Variants in MRTFA observed in about 807,000 individuals in gnomAD.
The protein encoded by MRTFA is myocardin-related transcription factor A.
Under a neutral mutation model 83.5 loss-of-function variants are expected in MRTFA, and 20 were observed. The observed-to-expected ratio is 0.24, with a 90% CI of 0.17 to 0.35. The LOEUF is 0.35. MRTFA is among the 10% of genes least tolerant of loss of function. The probability of loss-of-function intolerance (pLI) is 1.00; values close to 1 mark genes in which losing one functional copy is unlikely to be tolerated. For synonymous variants in MRTFA, 659 were observed against 541.2 expected (o/e 1.22, Z -3.02); for missense variants, 1,200 against 1,224.7 (o/e 0.98, Z 0.30).
chr22:40,492,027 G>A (rs766390425), intron 3 of MRTFA, among the ~76,000 whole-genome samples: 28 of 152,096 alleles, frequency 1.8e-4, no homozygotes, highest in Non-Finnish European at 2.9e-4. Context: ...ACACTGCTGA[G>A]TAATAGCTGT....
intron 4 of MRTFA, among the ~76,000 whole-genome samples, chr22:40,455,249 C>A (rs181503004): frequency 6.6e-6 from 1 of 152,128 alleles, no homozygotes; most frequent in Non-Finnish European, 1.5e-5. Context: ...ACAGCACATG[C>A]GGCTAATGGT....
At chr22:40,568,433 C>T (rs1382598792) in intron 2 of MRTFA, among the ~76,000 whole-genome samples, 4 of 152,150 alleles carry the variant, frequency 2.6e-5, no homozygotes, top group Non-Finnish European at 4.4e-5. Context: ...GGAAATACAA[C>T]GAATCTTGAC....
intron 3 of MRTFA, among the ~76,000 whole-genome samples, chr22:40,463,991 T>G (rs967128241): frequency 6.6e-6 from 1 of 152,004 alleles, no homozygotes; most frequent in Non-Finnish European, 1.5e-5. Context: ...TAATAGGGAT[T>G]TTTTTTAAGT....
chr22:40,467,121 G>A (rs2053823716), intron 3 of MRTFA, among the ~76,000 whole-genome samples: 1 of 152,058 alleles, frequency 6.6e-6, no homozygotes, highest in Non-Finnish European at 1.5e-5. Flanking sequence ...AGTTAACTTT[G>A]AACTCTGTGC....
At chr22:40,550,778 C>T (rs114710891) in intron 3 of MRTFA, among the ~76,000 whole-genome samples, 1,909 of 151,682 alleles carry the variant, frequency 0.013, 36 homozygotes, top group African/African-American at 0.044. Flanking sequence ...TGAAGATTTA[C>T]GCAAAGTACA....
At chr22:40,426,371 T>C (rs576071092) in intron 7 of MRTFA, among the ~76,000 whole-genome samples, 40 of 152,124 alleles carry the variant, frequency 2.6e-4, no homozygotes, top group Non-Finnish European at 1.0e-4. Context: ...ACCTGCTCCA[T>C]TGCATCCAGC....
At chr22:40,444,751 A>G (rs1288962467) in intron 4 of MRTFA, among the ~76,000 whole-genome samples, 1 of 151,556 alleles carries the variant, frequency 6.6e-6, no homozygotes, top group South Asian at 2.1e-4. Flanking sequence ...GTTGCTTCTG[A>G]CTTGATGTTT....
At chr22:40,624,375 G>A (rs973091745) in intron 1 of MRTFA, among the ~76,000 whole-genome samples, 9 of 145,876 alleles carry the variant, frequency 6.2e-5, no homozygotes, top group South Asian at 2.1e-4. Flanking sequence ...GCAGGGAGCC[G>A]AGATCGCGCC....
chr22:40,459,830 C>CATATACATATATAT lies in MRTFA; in HGVS notation c.307+3390_307+3391insATATATATGTATAT, dbSNP rs1555973835. Among the ~76,000 whole-genome samples, 23 of 86,952 alleles carry CATATACATATATAT rather than the reference C, an allele frequency of 2.6e-4. 2 individuals are homozygous for CATATACATATATAT. The allele number at this position is 86,952 out of a possible 152,430, so 57.0% of individuals were successfully genotyped here. A position where few individuals can be genotyped will look rare whatever the true frequency, so the allele number is the denominator to read the frequency against. On this transcript the variant is annotated intron_variant, in intron 4 of 14. Transcript: ENST00000355630. The stretch of plus-strand genomic sequence containing the variant: ...ACACACACACACACACACATATATA[C>CATATACATATATAT]ATATATATATATATATATATATATA...
At chr22:40,600,009 CAAA>C (rs34183268) in intron 1 of MRTFA, among the ~76,000 whole-genome samples, 1 of 121,622 alleles carries the variant, frequency 8.2e-6, no homozygotes. Flanking sequence ...TTTGACTTAT[CAAA>C]AAAAAAAAAA....
intron 4 of MRTFA, among the ~76,000 whole-genome samples, chr22:40,458,013 A>C (rs992650617): frequency 2.0e-5 from 3 of 152,172 alleles, no homozygotes; most frequent in Non-Finnish European, 4.4e-5. Context: ...TTAAACATCA[A>C]AGAGAAAGGC....
chr22:40,582,092 C>A (rs946125119), intron 2 of MRTFA, among the ~76,000 whole-genome samples: 8 of 152,200 alleles, frequency 5.3e-5, no homozygotes, highest in Non-Finnish European at 8.8e-5. Flanking sequence ...CTTCCAGCCC[C>A]CAGCAACTAC....
At chr22:40,540,956 A>T (rs1427485844) in intron 3 of MRTFA, among the ~76,000 whole-genome samples, 4 of 152,062 alleles carry the variant, frequency 2.6e-5, no homozygotes, top group African/African-American at 9.7e-5. Flanking sequence ...AAAAAAAAAT[A>T]ATTACCTACC....
chr22:40,451,366 T>C (rs2053483112), intron 4 of MRTFA, among the ~76,000 whole-genome samples: 3 of 152,180 alleles, frequency 2.0e-5, no homozygotes, highest in African/African-American at 7.2e-5. Flanking sequence ...CTGCATATTC[T>C]GGGGCAAGCA....
intron 2 of MRTFA, chr22:40,587,193 CTT>C: frequency 8.7e-6 from 4 of 459,786 alleles, no homozygotes; most frequent in Non-Finnish European, 1.8e-5. Context: ...TGCAGTTACT[CTT>C]GAGGAAACAG....
In MRTFA at chr22:40,485,993, G is replaced by A. The variant is rs184008677; in HGVS notation, c.242-22707C>T. Among the ~76,000 whole-genome samples the A allele has an allele frequency of 3.3e-5, 5 of 152,268 alleles. No homozygotes were observed. The East Asian group carries it at 5.8e-4, about 18-fold the overall frequency. On this transcript the variant is annotated intron_variant, in intron 3 of 14. Coordinates refer to ENST00000355630, the MANE Select transcript of MRTFA (RefSeq NM_020831.6). ...TAGCTTTTCAACCTGGCAGGCCTTCGAAGGTCGGTGCAGGAATGAGCCATC... is the reference window on the plus strand; with the variant it reads ...TAGCTTTTCAACCTGGCAGGCCTTCAAAGGTCGGTGCAGGAATGAGCCATC...
At chr22:40,572,044 C>T (rs1209235921) in intron 2 of MRTFA, among the ~76,000 whole-genome samples, 1 of 150,708 alleles carries the variant, frequency 6.6e-6, no homozygotes, top group African/African-American at 2.4e-5. Flanking sequence ...GCACTTCACA[C>T]CCAGTAGGAT....
chr22:40,512,964 C>G (rs1474185484), intron 3 of MRTFA, among the ~76,000 whole-genome samples: 2 of 152,154 alleles, frequency 1.3e-5, no homozygotes, highest in Non-Finnish European at 1.5e-5. Flanking sequence ...TTTTATGTAA[C>G]TATTTTGCTA....
chr22:40,418,739 C>CGGGGGA lies in MRTFA; in HGVS notation c.1998_1999insTCCCCC (p.Pro666_Ala667insSerPro), dbSNP rs2052751018. On this transcript the variant is annotated inframe_insertion, in exon 12 of 15. Coordinates refer to ENST00000355630, the MANE Select transcript of MRTFA (RefSeq NM_020831.6). The stretch of plus-strand genomic sequence containing the variant: ...ACGGGGGTGCCGAGGGGGGCGGGGG[C>CGGGGGA]GGGGGCGGGCTGCTGGGCTCGCTTC... 4.9e-6 allele frequency: 1 copy of CGGGGGA among 205,088 alleles called. No homozygotes were observed. 12.7% of individuals were successfully genotyped at this position (205,088 alleles called of 1,614,324 possible). A position where few individuals can be genotyped will look rare whatever the true frequency, so the allele number is the denominator to read the frequency against.
Sources: gnomAD v4.1 joint callset for allele counts (sites outside exome capture counted in the v4.1 genomes callset) on GRCh38, gnomAD v4.1.1 for gene constraint, MANE v1.5 for transcripts, NCBI Gene and HGNC (gene_info 2026-07-23, HGNC 2026-07-21) for gene names.